The following IK variants were observed in gnomAD, a reference collection of about 807,000 sequenced individuals.
IK encodes the protein IK cytokine, also known as protein Red.
A neutral mutation model predicts 90.9 loss-of-function variants in IK; 47 were observed. The ratio of observed to expected loss-of-function variants is 0.52; its 90% CI spans 0.41 to 0.66. The LOEUF (loss-of-function observed/expected upper bound fraction) is 0.66. Among genes scored for constraint, IK ranks in the 30% least tolerant of loss-of-function variants. IK has a pLI of 0.00. For missense variants in IK, 385 were observed against 709.3 expected (o/e 0.54, Z 5.19); for synonymous variants, 201 against 227.5 (o/e 0.88, Z 1.05).
chr5:140,658,953 T>A lies in IK; in HGVS notation c.965T>A (p.Ile322Asn). 6.2e-7 allele frequency: 1 copy of A among 1,613,576 alleles called. No homozygotes were observed. Among genetic ancestry groups the A allele is most frequent in the South Asian group, 1.1e-5 (1 of 91,058 alleles). The change falls in exon 12 of 20, where the codon ATT becomes AAT. Residue 322 changes from isoleucine to asparagine, a missense_variant. Physicochemically the swap from Ile to Asn is moderately radical, Grantham distance 149 (BLOSUM62 -3). Coordinates refer to ENST00000417647, the MANE Select transcript of IK (RefSeq NM_006083.4). ...CATTTTCCCAGTATTTTTGAAGACA[T>A]TGGGGATTACGTACCCTCCACAACC... Reference protein sequence around the residue: ...PEADMNIFEDIGDYVPSTTKT... With the variant: ...PEADMNIFEDNGDYVPSTTKT...
intron 11 of IK, 55 bp from the exon 12 acceptor site, chr5:140,658,884 G>T (rs1437508446): frequency 3.1e-6 from 5 of 1,605,694 alleles, no homozygotes; most frequent in East Asian, 2.2e-5. Context: ...AAATGGTCAG[G>T]GGGAGTGAAG....
At position 140,652,147 on chromosome 5, in the gene IK, G is replaced by A; in HGVS notation, c.236G>A (p.Ser79Asn). 6.2e-7 allele frequency: 1 copy of A among 1,611,416 alleles called. No homozygotes were observed. Among genetic ancestry groups the A allele is most frequent in the Non-Finnish European group, 8.5e-7 (1 of 1,177,594 alleles). Residue 79 changes from serine (S) to asparagine (N), a missense_variant and splice_region_variant, in exon 4 of 20, where the codon AGT becomes AAT. Around this residue, in one of 8 missense-constraint regions of IK, gnomAD observed 64 missense variants for 144.6 expected, o/e 0.44. Transcript: ENST00000417647. ...DPAARRRKKK[S>N]YYAKLRQQEI... The stretch of plus-strand genomic sequence containing the variant: ...GCTGCACGAAGGAGGAAAAAGAAAA[G>A]GTGAAGGAAGGGTGAAGGGTTTTAG...
At position 140,656,148 on chromosome 5, in the gene IK, A is replaced by G. The variant is rs73791735; in HGVS notation, c.801+156A>G. Among the ~76,000 whole-genome samples, 1,183 of 152,216 alleles carry G rather than the reference A, an allele frequency of 7.8e-3. 13 individuals carry two copies. The highest frequency in any genetic ancestry group is 0.027 in the African/African-American group (1,135 of 41,514). The stretch of plus-strand genomic sequence containing the variant: ...AATCCATTCACTTTTCCACTTTTTC[A>G]CCAATAACATTCCAGTCTAAGCTAT... On this transcript the variant is annotated intron_variant, in intron 9 of 19. Transcript: ENST00000417647.
At chr5:140,648,408 A>G (rs1019574908) in intron 1 of IK, 63 bp from the exon 2 acceptor site, 2 of 1,492,102 alleles carry the variant, frequency 1.3e-6, no homozygotes, top group Non-Finnish European at 9.4e-7. Context: ...CTATATCTCA[A>G]ATTTTTGCAT....
Position 140,651,806 on chromosome 5 carries a change from A to G in IK, c.176A>G (p.Glu59Gly). Reference protein sequence around the residue: ...SAPPSKSRHHEMPREYNEDED... With the variant: ...SAPPSKSRHHGMPREYNEDED... ...CCACCTTCTAAGTCACGTCACCATGAGTAAGTCTTTGGGTGATCCAACCTG... is the reference window on the plus strand; with the variant it reads ...CCACCTTCTAAGTCACGTCACCATGGGTAAGTCTTTGGGTGATCCAACCTG... The change falls in exon 3 of 20, where the codon GAG becomes GGG. Residue 59 changes from glutamate to glycine, a missense_variant and splice_region_variant. Glu to Gly is a moderately conservative substitution (Grantham distance 98). Around this residue, in one of 8 missense-constraint regions of IK, gnomAD observed 64 missense variants for 144.6 expected, o/e 0.44. Transcript: ENST00000417647. The G allele has an allele frequency of 6.3e-7, 1 of 1,593,326 alleles. No homozygotes were observed. The highest frequency in any genetic ancestry group is 8.6e-7 in the Non-Finnish European group (1 of 1,161,258).
chr5:140,660,242 C>G, intron 15 of IK, 47 bp downstream of exon 15: 1 of 1,145,332 alleles, frequency 8.7e-7, no homozygotes, highest in Non-Finnish European at 1.3e-6. Context: ...GATTGGGAAA[C>G]AAGTTGGGGG....
At chr5:140,656,921 T>C (rs1364887478) in intron 9 of IK, among the ~76,000 whole-genome samples, 1 of 152,158 alleles carries the variant, frequency 6.6e-6, no homozygotes, top group African/African-American at 2.4e-5. Flanking sequence ...TTCTAAAATA[T>C]ACAGTTTGGC....
At chr5:140,652,896 A>G (rs1757639650) in intron 4 of IK, 81 bp from the exon 5 acceptor site, 6 of 1,336,970 alleles carry the variant, frequency 4.5e-6, no homozygotes, top group South Asian at 2.6e-5. Flanking sequence ...TTGGAGATGT[A>G]GGGAAGCAAG....
intron 4 of IK, among the ~76,000 whole-genome samples, chr5:140,652,428 C>T (rs1187041363): frequency 1.3e-5 from 2 of 152,130 alleles, no homozygotes; most frequent in Non-Finnish European, 2.9e-5. Flanking sequence ...TAACTTTTAT[C>T]AGGATGTCAT....
chr5:140,650,265 C>T (rs1757593011), intron 2 of IK, among the ~76,000 whole-genome samples: 1 of 152,206 alleles, frequency 6.6e-6, no homozygotes, highest in African/African-American at 2.4e-5. Context: ...TCAATAAAGT[C>T]TTCCTTGGGG....
At position 140,647,916 on chromosome 5, in the gene IK, A is replaced by G; in HGVS notation, c.8A>G (p.Glu3Gly). Reference protein sequence around the residue: MPERDSEPFSNPL... With the variant: MPGRDSEPFSNPL... ...CGAAAGAACGATAACAAAATGCCGGAGCGAGATAGTAAGGCTCAGGCCATC... is the reference window on the plus strand; with the variant it reads ...CGAAAGAACGATAACAAAATGCCGGGGCGAGATAGTAAGGCTCAGGCCATC... The change falls in exon 1 of 20, where the codon GAG becomes GGG. Residue 3 changes from glutamate to glycine, a missense_variant. Around this residue, in one of 8 missense-constraint regions of IK, gnomAD observed 42 missense variants for 37.9 expected, o/e 1.11. Transcript: ENST00000417647. The G allele has an allele frequency of 6.2e-7, 1 of 1,613,986 alleles. No homozygotes were observed.
At position 140,661,346 on chromosome 5, in the gene IK, G is replaced by GT. The variant is rs1757800807; in HGVS notation, c.1414-271dup. The GT allele has an allele frequency of 4.8e-6, 2 of 417,690 alleles. No individual in the cohort carries two copies. Among genetic ancestry groups the GT allele is most frequent in the Non-Finnish European group, 8.6e-6 (2 of 232,064 alleles). 25.9% of individuals were successfully genotyped at this position (417,690 alleles called of 1,614,324 possible). On this transcript the variant is annotated intron_variant, in intron 16 of 19. Transcript: ENST00000417647. The surrounding 1 kb of genome is among the most constrained non-coding windows in gnomAD (Gnocchi z 4.2). ...TGTGAACTTGCCAAGTTCTTTCACT[G>GT]TTTATGCCTCAGTTTCCTCATCAGG...
intron 2 of IK, among the ~76,000 whole-genome samples, chr5:140,651,137 ACT>A (rs1413403792): frequency 6.6e-6 from 1 of 152,006 alleles, no homozygotes; most frequent in Non-Finnish European, 1.5e-5. Flanking sequence ...GGTAGTTAAC[ACT>A]CTGATGCATT....
In IK at chr5:140,661,231, T is replaced by G. The variant is rs534629964; in HGVS notation, c.1414-389T>G. On this transcript the variant is annotated intron_variant, in intron 16 of 19. Coordinates refer to ENST00000417647, the MANE Select transcript of IK (RefSeq NM_006083.4). This position sits in a 1 kb window ranked among gnomAD's most constrained non-coding sequence, Gnocchi z 4.2. Reference sequence around the variant, plus strand: ...ACTAATGCCACTAATAGTGAAGAAGTCTGTGTTCTTCCCCTGAGTTCACTG... The same window carrying G: ...ACTAATGCCACTAATAGTGAAGAAGGCTGTGTTCTTCCCCTGAGTTCACTG... 4.8e-5 allele frequency: 12 copies of G among 250,536 alleles called. No homozygotes were observed. Among genetic ancestry groups the G allele is most frequent in the African/African-American group, 2.7e-4 (12 of 44,376 alleles). 15.5% of individuals were successfully genotyped at this position (250,536 alleles called of 1,614,324 possible).
In IK at chr5:140,658,766, GC is replaced by G; in HGVS notation, c.941del (p.Ala314ValfsTer3). The G allele has an allele frequency of 6.2e-7, 1 of 1,611,652 alleles. No individual in the cohort carries two copies. The highest frequency in any genetic ancestry group is 1.1e-5 in the South Asian group (1 of 90,606). The stretch of plus-strand genomic sequence containing the variant: ...GCTGGAAGAGAAGAAACCTCCTGAG[GC>G]TGACATGAAGTATGTATCCTAGCCC... ...GKLEEKKPPE[A>X]DMNIFEDIGD... On this transcript the variant is annotated frameshift_variant, in exon 11 of 20. Coordinates refer to ENST00000417647, the MANE Select transcript of IK (RefSeq NM_006083.4). LOFTEE classifies it high-confidence loss of function.
Position 140,651,707 on chromosome 5 carries a change from C to T in IK, c.84-7C>T. 6.4e-7 allele frequency: 1 copy of T among 1,561,572 alleles called. No homozygotes were observed. The highest frequency in any genetic ancestry group is 8.8e-7 in the Non-Finnish European group (1 of 1,137,362). The stretch of plus-strand genomic sequence containing the variant: ...CTAATATTTAAAATCTTTGCCTTTT[C>T]TTCTAGATCAAAACTCACCAATGAA... On this transcript the variant is annotated splice_region_variant and splice_polypyrimidine_tract_variant and intron_variant, in intron 2 of 19. Transcript: ENST00000417647.
At position 140,658,988 on chromosome 5, in the gene IK, C is replaced by G. The variant is rs758632408; in HGVS notation, c.1000C>G (p.Arg334Gly). 3 of 1,613,696 alleles carry G rather than the reference C, an allele frequency of 1.9e-6. No individual in the cohort carries two copies. Among genetic ancestry groups the G allele is most frequent in the Non-Finnish European group, 2.5e-6 (3 of 1,179,758 alleles). The change falls in exon 12 of 20, where the codon CGG becomes GGG. Residue 334 changes from arginine (R) to glycine (G), a missense_variant. Arg to Gly is a moderately radical substitution (Grantham distance 125). Around this residue, in one of 8 missense-constraint regions of IK, gnomAD observed 139 missense variants for 172.0 expected, o/e 0.81. Coordinates refer to ENST00000417647, the MANE Select transcript of IK (RefSeq NM_006083.4). ...CGTACCCTCCACAACCAAGACACCTCGGGACAAGGAGCGGGAGAGATATCG... is the reference window on the plus strand; with the variant it reads ...CGTACCCTCCACAACCAAGACACCTGGGGACAAGGAGCGGGAGAGATATCG... ...DYVPSTTKTP[R>G]DKERERYRER...
intron 15 of IK, 78 bp downstream of exon 15, chr5:140,660,273 C>A: frequency 2.7e-6 from 2 of 744,670 alleles, no homozygotes; most frequent in Non-Finnish European, 4.4e-6. Flanking sequence ...ATTTGATTCG[C>A]TAAGTCCCAG....
At chr5:140,653,815 G>C in intron 5 of IK, 123 bp from the exon 6 acceptor site, 1 of 603,712 alleles carries the variant, frequency 1.7e-6, no homozygotes, top group Admixed American at 2.8e-5. Flanking sequence ...ATATCCACCA[G>C]GCTGGTCTCA....
Sources: gnomAD v4.1 joint callset for allele counts (sites outside exome capture counted in the v4.1 genomes callset) on GRCh38, gnomAD v4.1.1 for gene constraint, gnomAD v4.1.1 regional missense constraint, Gnocchi (gnomAD v3.1) non-coding constraint, MANE v1.5 for transcripts, NCBI Gene and HGNC (gene_info 2026-07-23, HGNC 2026-07-21) for gene names.